Variants in ELF5 observed in about 807,000 individuals in gnomAD.
ELF5 encodes the protein ETS-related transcription factor Elf-5.
A neutral mutation model predicts 38.2 loss-of-function variants in ELF5; 31 were observed. The observed-to-expected ratio is 0.81, with a 90% CI of 0.61 to 1.10. The LOEUF is 1.10. Ranked by LOEUF, ELF5 falls within the 50% of genes least tolerant of loss-of-function variation. ELF5 has a pLI of 0.00. For synonymous variants in ELF5, 121 were observed against 112.5 expected (o/e 1.08, Z -0.48); for missense variants, 300 against 306.6 (o/e 0.98, Z 0.16).
chr11:34,507,569 G>C (rs1457795044), intron 1 of ELF5, among the ~76,000 whole-genome samples: 1 of 152,202 alleles, frequency 6.6e-6, no homozygotes, highest in East Asian at 1.9e-4. Context: ...AAAAGAACAG[G>C]CCTAGGGCCC....
chr11:34,486,432 A>G (rs1167634241), intron 4 of ELF5, among the ~76,000 whole-genome samples: 1 of 152,208 alleles, frequency 6.6e-6, no homozygotes, highest in Admixed American at 6.5e-5. Context: ...AGTGGGCACT[A>G]AGTTGAAAAT....
intron 4 of ELF5, among the ~76,000 whole-genome samples, chr11:34,487,896 G>T (rs1850046355): frequency 6.6e-6 from 1 of 152,104 alleles, no homozygotes; most frequent in Non-Finnish European, 1.5e-5. Flanking sequence ...TACTGTACTG[G>T]CCAAGCTAAT....
intron 4 of ELF5, among the ~76,000 whole-genome samples, chr11:34,486,685 A>T (rs1425197577): frequency 2.0e-5 from 3 of 152,366 alleles, no homozygotes; most frequent in Non-Finnish European, 1.5e-5. Flanking sequence ...TTACACCTCC[A>T]GTTTCCTCAG....
intron 1 of ELF5, among the ~76,000 whole-genome samples, chr11:34,510,847 G>A (rs535555545): frequency 2.0e-5 from 3 of 152,280 alleles, no homozygotes; most frequent in East Asian, 1.9e-4. Flanking sequence ...GTGGAGAAGC[G>A]CTGTGATAGA....
chr11:34,501,217 G>A (rs976783782), intron 2 of ELF5, among the ~76,000 whole-genome samples: 1 of 152,148 alleles, frequency 6.6e-6, no homozygotes, highest in East Asian at 1.9e-4. Context: ...TAGGGATGGA[G>A]GTGGACAGAG....
intron 4 of ELF5, among the ~76,000 whole-genome samples, chr11:34,485,217 C>T (rs1849958364): frequency 6.6e-6 from 1 of 152,140 alleles, no homozygotes; most frequent in South Asian, 2.1e-4. Context: ...ATGGTGGAAC[C>T]AGAGAGTTCT....
intron 4 of ELF5, among the ~76,000 whole-genome samples, chr11:34,487,707 G>A (rs1370504921): frequency 6.6e-6 from 1 of 151,984 alleles, no homozygotes; most frequent in Non-Finnish European, 1.5e-5. Flanking sequence ...CTGATGCCGT[G>A]AGTGTTATAC....
Position 34,490,052 on chromosome 11 carries a change from G to C in ELF5, c.363C>G (p.Ser121=). 1 of 1,613,904 alleles carries C rather than the reference G, an allele frequency of 6.2e-7. No individual in the cohort carries two copies. Among genetic ancestry groups the C allele is most frequent in the South Asian group, 1.1e-5 (1 of 91,076 alleles). ...TGCTTTCTTCAGCGTCATTAAAAAA[G>C]GAGTAACCTGGGAAAGAAAAAGAAA... ...ILQNIRTQGY[S]FFNDAEESKA... Residue 121 remains serine, a synonymous_variant, in exon 4 of 7, where the codon TCC becomes TCG. Transcript: ENST00000257832.
intron 4 of ELF5, among the ~76,000 whole-genome samples, chr11:34,484,482 A>ATC (rs1857028910): frequency 3.3e-4 from 7 of 21,224 alleles, no homozygotes; most frequent in African/African-American, 6.1e-4. Context: ...CACTATACTA[A>ATC]CTATACTATA....
chr11:34,486,094 C>T (rs895855913), intron 4 of ELF5, among the ~76,000 whole-genome samples: 3 of 152,112 alleles, frequency 2.0e-5, no homozygotes, highest in Admixed American at 6.6e-5. Context: ...GCAAGCACTC[C>T]AGAAGCTGGG....
chr11:34,486,785 C>T (rs76969038), intron 4 of ELF5, among the ~76,000 whole-genome samples: 3,266 of 152,258 alleles, frequency 0.021, 121 homozygotes, highest in African/African-American at 0.075. Context: ...CAGTGTTATG[C>T]TTAGTACATA....
intron 4 of ELF5, among the ~76,000 whole-genome samples, chr11:34,489,023 C>T (rs1281938310): frequency 6.6e-6 from 1 of 152,152 alleles, no homozygotes; most frequent in African/African-American, 2.4e-5. Context: ...CACCCCGGGG[C>T]CCCGAGTGAT....
chr11:34,505,820 G>T, intron 1 of ELF5, 67 bp from the exon 2 acceptor site: 13 of 1,529,696 alleles, frequency 8.5e-6, no homozygotes, highest in Non-Finnish European at 1.1e-5. Context: ...CTGTGCAGGA[G>T]CCCCTAGCAG....
intron 2 of ELF5, among the ~76,000 whole-genome samples, chr11:34,496,384 C>T (rs2133889143): frequency 6.6e-6 from 1 of 150,462 alleles, no homozygotes; most frequent in African/African-American, 2.4e-5. Context: ...CATGGCAGGC[C>T]TCTTTTCCGG....
Position 34,480,935 on chromosome 11 carries a change from G to A in ELF5, c.508C>T (p.Arg170Ter), listed in dbSNP as rs201810763. 17 of 1,613,622 alleles carry A rather than the reference G, an allele frequency of 1.1e-5. No individual in the cohort carries two copies. The highest frequency in any genetic ancestry group is 1.1e-5 in the South Asian group (1 of 91,000). ...LQSSHLWEFV[R>*]DLLLSPEENC... ...TCTTCAGGAGATAGAAGCAGGTCTC[G>A]TACAAATTCCCATAGATGAGAACTT... Residue 170 changes from arginine (R) to a stop codon, truncating the protein, a stop_gained, in exon 6 of 7, where the codon CGA (arginine) becomes TGA (stop). Coordinates refer to ENST00000257832, the MANE Select transcript of ELF5 (RefSeq NM_001422.4). LOFTEE classifies it high-confidence loss of function.
At chr11:34,488,277 T>C (rs1303125848) in intron 4 of ELF5, among the ~76,000 whole-genome samples, 1 of 152,156 alleles carries the variant, frequency 6.6e-6, no homozygotes, top group Admixed American at 6.5e-5. Context: ...GCCTGGCATA[T>C]AGTAAGTGTC....
chr11:34,497,194 T>C (rs1036363023), intron 2 of ELF5, among the ~76,000 whole-genome samples: 13 of 152,308 alleles, frequency 8.5e-5, no homozygotes, highest in African/African-American at 2.9e-4. Context: ...CCGCAGAATA[T>C]ATTATTTTTA....
intron 4 of ELF5, among the ~76,000 whole-genome samples, chr11:34,485,673 A>G (rs1849973801): frequency 2.0e-5 from 3 of 152,264 alleles, no homozygotes; most frequent in Admixed American, 2.0e-4. Context: ...TGCCGAGATA[A>G]CCCTGTTCTG....
At chr11:34,488,829 C>T (rs1400928294) in intron 4 of ELF5, among the ~76,000 whole-genome samples, 1 of 152,236 alleles carries the variant, frequency 6.6e-6, no homozygotes, top group Non-Finnish European at 1.5e-5. Context: ...TGGCTCAAGC[C>T]TTTGGCCACA....
Sources: allele counts gnomAD v4.1 joint callset (sites outside exome capture counted in the v4.1 genomes callset), GRCh38; gene constraint gnomAD v4.1.1; transcripts MANE v1.5; gene names NCBI Gene and HGNC (gene_info 2026-07-23, HGNC 2026-07-21).